MYO5A: variants seen among roughly 807,000 people sequenced by gnomAD.
The protein encoded by MYO5A is myosin VA, also known as unconventional myosin-Va.
MYO5A carries 98 observed loss-of-function variants against 249.7 expected under a neutral mutation model. The ratio of observed to expected loss-of-function variants is 0.39; its 90% confidence interval spans 0.33 to 0.46. The LOEUF is 0.46. Among genes scored for constraint, MYO5A ranks in the 20% least tolerant of loss-of-function variants. The probability of loss-of-function intolerance (pLI) is 0.98; values close to 1 mark genes in which losing one functional copy is unlikely to be tolerated. For missense variants in MYO5A, 1,696 were observed against 2,308.8 expected (o/e 0.73, Z 5.44); for synonymous variants, 778 against 810.6 (o/e 0.96, Z 0.68).
intron 16 of MYO5A, 100 bp from the exon 17 acceptor site, chr15:52,380,008 A>G (rs2041649478): frequency 8.6e-7 from 1 of 1,157,464 alleles, no homozygotes; most frequent in African/African-American, 1.5e-5. Context: ...TAAGAGCAAA[A>G]TGGATAAATC....
chr15:52,428,313 TG>T (rs2075442580), intron 3 of MYO5A, 84 bp downstream of exon 3: 1 of 1,400,444 alleles, frequency 7.1e-7, no homozygotes, highest in Admixed American at 1.7e-5. Flanking sequence ...AACCACAGCC[TG>T]CTTTCCCCAT....
intron 31 of MYO5A, 68 bp downstream of exon 31, chr15:52,343,049 C>T (rs2039453497): frequency 1.6e-6 from 2 of 1,274,038 alleles, no homozygotes; most frequent in East Asian, 4.6e-5. Flanking sequence ...GGGTGAAAGT[C>T]AGGAGGTCAC....
intron 1 of MYO5A, among the ~76,000 whole-genome samples, chr15:52,465,255 T>C (rs1030427654): frequency 2.6e-5 from 4 of 152,196 alleles, no homozygotes; most frequent in African/African-American, 9.6e-5. Flanking sequence ...GTGTTAAACT[T>C]TGGGCTGCAT....
chr15:52,439,755 A>G (rs1203297474), intron 1 of MYO5A, among the ~76,000 whole-genome samples: 1 of 152,166 alleles, frequency 6.6e-6, no homozygotes, highest in Non-Finnish European at 1.5e-5. Context: ...GTAAATAATG[A>G]TGTAGAAACT....
At position 52,396,334 on chromosome 15, in the gene MYO5A, T is replaced by C. The variant is rs1046058340; in HGVS notation, c.1383A>G (p.Leu461=). 1.3e-6 allele frequency: 2 copies of C among 1,550,896 alleles called. No individual in the cohort carries two copies. The highest frequency in any genetic ancestry group is 1.8e-6 in the Non-Finnish European group (2 of 1,125,668). ...QFCINYANEK[L]QQQFNMHVFK... ...TTCTTACCATATTGAATTGTTGCTG[T>C]AGTTTTTCATTTGCATAATTTATGC... is the stretch of plus-strand genomic sequence containing the variant. The change falls in exon 11 of 42, where the codon CTA becomes CTG. Residue 461 remains leucine, a synonymous_variant. Transcript: ENST00000399233.
chr15:52,524,159 A>G (rs557733307), intron 1 of MYO5A, among the ~76,000 whole-genome samples: 61 of 152,338 alleles, frequency 4.0e-4, no homozygotes, highest in African/African-American at 1.3e-3. Flanking sequence ...CACTGTTACA[A>G]TACTCAGCAT....
chr15:52,473,649 G>C (rs1595749355), intron 1 of MYO5A, among the ~76,000 whole-genome samples: 1 of 152,322 alleles, frequency 6.6e-6, no homozygotes, highest in African/African-American at 2.4e-5. Flanking sequence ...AATTAAACAA[G>C]GAATCCTTTC....
chr15:52,370,195 C>G lies in MYO5A; in HGVS notation c.3040G>C (p.Asp1014His). The change falls in exon 22 of 42, where the codon GAT (aspartate) becomes CAT (histidine). Residue 1014 changes from aspartate to histidine, a missense_variant. Asp to His is a moderately conservative substitution (Grantham distance 81, BLOSUM62 -1). Around this residue, in one of 5 missense-constraint regions of MYO5A, gnomAD observed 412 missense variants for 453.3 expected, o/e 0.91. Transcript: ENST00000399233. The stretch of plus-strand genomic sequence containing the variant: ...TGCTCTGTTTCTTGTTTGTATCGAT[C>G]TGCATGTTCCTCAATGCATTTTTTC... ...SEKKCIEEHA[D>H]RYKQETEQLV... 1.2e-6 allele frequency: 2 copies of G among 1,614,134 alleles called. No homozygotes were observed. The highest frequency in any genetic ancestry group is 1.7e-6 in the Non-Finnish European group (2 of 1,180,006).
intron 32 of MYO5A, among the ~76,000 whole-genome samples, chr15:52,338,504 C>T: frequency 6.6e-6 from 1 of 152,098 alleles, no homozygotes; most frequent in South Asian, 2.1e-4. Flanking sequence ...GCTTTAATAT[C>T]CTACTCAAGT....
At chr15:52,504,087 T>C (rs1470833275) in intron 1 of MYO5A, among the ~76,000 whole-genome samples, 1 of 148,136 alleles carries the variant, frequency 6.8e-6, no homozygotes, top group Non-Finnish European at 1.5e-5. Flanking sequence ...TTTTTAAATA[T>C]CTTGTTCTCT....
At chr15:52,407,523 C>T in intron 7 of MYO5A, 124 bp from the exon 8 acceptor site, 1 of 501,752 alleles carries the variant, frequency 2.0e-6, no homozygotes, top group East Asian at 3.3e-5. Context: ...AGTTTGACTG[C>T]CTGTGTTTTC....
chr15:52,523,780 G>C (rs1333598026), intron 1 of MYO5A, among the ~76,000 whole-genome samples: 1 of 152,194 alleles, frequency 6.6e-6, no homozygotes, highest in East Asian at 1.9e-4. Flanking sequence ...GGAACACCAG[G>C]AGGAAATTCA....
At chr15:52,331,845 T>C (rs2038903155) in intron 34 of MYO5A, 1 of 985,140 alleles carries the variant, frequency 1.0e-6, no homozygotes, top group Admixed American at 6.2e-5. Context: ...ATCTAAAGAG[T>C]GGTCAGATTG....
At chr15:52,339,281 T>G (rs1415637741) in intron 32 of MYO5A, among the ~76,000 whole-genome samples, 4 of 152,138 alleles carry the variant, frequency 2.6e-5, no homozygotes, top group Non-Finnish European at 5.9e-5. Flanking sequence ...CAGAGAAAAT[T>G]CATACTATTT....
At chr15:52,403,691 T>C (rs370922249) in intron 9 of MYO5A, among the ~76,000 whole-genome samples, 3 of 152,342 alleles carry the variant, frequency 2.0e-5, no homozygotes, top group South Asian at 4.1e-4. Flanking sequence ...ATGAGTATGA[T>C]ATACGAATTA....
At chr15:52,402,068 G>A (rs927864809) in intron 9 of MYO5A, among the ~76,000 whole-genome samples, 1 of 152,096 alleles carries the variant, frequency 6.6e-6, no homozygotes, top group African/African-American at 2.4e-5. Context: ...TTTTCTGATG[G>A]GACTCCACTG....
At chr15:52,521,649 AT>A (rs1238804375) in intron 1 of MYO5A, among the ~76,000 whole-genome samples, 3 of 152,212 alleles carry the variant, frequency 2.0e-5, no homozygotes, top group African/African-American at 7.2e-5. Flanking sequence ...AAATCAAAAA[AT>A]AATTACATCA....
At chr15:52,476,263 C>T (rs1003368258) in intron 1 of MYO5A, among the ~76,000 whole-genome samples, 38 of 152,206 alleles carry the variant, frequency 2.5e-4, no homozygotes, top group Admixed American at 9.8e-4. Flanking sequence ...TCCTCCATCC[C>T]TTTATTTTGA....
At chr15:52,517,776 T>C (rs1253079380) in intron 1 of MYO5A, among the ~76,000 whole-genome samples, 2 of 152,166 alleles carry the variant, frequency 1.3e-5, no homozygotes, top group African/African-American at 2.4e-5. Flanking sequence ...TCACAATACA[T>C]ATTAAGTTTA....
Sources: gnomAD v4.1 joint callset for allele counts (sites outside exome capture counted in the v4.1 genomes callset) on GRCh38, gnomAD v4.1.1 for gene constraint, gnomAD v4.1.1 regional missense constraint, MANE v1.5 for transcripts, NCBI Gene and HGNC (gene_info 2026-07-23, HGNC 2026-07-21) for gene names.